ZBTB16: variants seen among roughly 807,000 people sequenced by gnomAD.
The protein encoded by ZBTB16 is zinc finger and BTB domain containing 16.
ZBTB16 carries 8 observed loss-of-function variants against 56.8 expected under a neutral mutation model. The observed-to-expected ratio is 0.14, with a 90% CI of 0.08 to 0.25. The LOEUF is 0.25. Ranked by LOEUF, ZBTB16 falls within the 10% of genes least tolerant of loss-of-function variation. ZBTB16 has a pLI of 1.00. For synonymous variants in ZBTB16, 363 were observed against 368.5 expected, an observed-to-expected ratio of 0.98 and a Z score of 0.17; for missense variants, 625 against 903.0, an observed-to-expected ratio of 0.69 and a Z score of 3.95.
At chr11:114,139,383 C>G (rs964824942) in intron 2 of ZBTB16, among the ~76,000 whole-genome samples, 4 of 152,210 alleles carry the variant, frequency 2.6e-5, no homozygotes, top group African/African-American at 7.2e-5. Context: ...CTTCTTCACT[C>G]TCCGGCTTCG....
intron 3 of ZBTB16, among the ~76,000 whole-genome samples, chr11:114,158,521 A>G (rs990941069): frequency 1.3e-5 from 2 of 152,008 alleles, no homozygotes; most frequent in African/African-American, 2.4e-5. Context: ...TTCTGTGCCC[A>G]TGTTTCTTTA....
chr11:114,153,908 G>A (rs75034154), intron 2 of ZBTB16, among the ~76,000 whole-genome samples: 3,590 of 152,320 alleles, frequency 0.024, 155 homozygotes, highest in African/African-American at 0.082. Context: ...GGCCGAGTCA[G>A]GTGGGAGGAT....
intron 2 of ZBTB16, among the ~76,000 whole-genome samples, chr11:114,111,714 T>G (rs958117245): frequency 1.3e-5 from 2 of 152,240 alleles, no homozygotes; most frequent in Non-Finnish European, 2.9e-5. Flanking sequence ...ACCTCTGTTT[T>G]GACAAAGCTT....
chr11:114,190,047 T>G (rs1459587486), intron 4 of ZBTB16, among the ~76,000 whole-genome samples: 6 of 152,152 alleles, frequency 3.9e-5, no homozygotes, highest in Admixed American at 3.9e-4. Flanking sequence ...AACTTGAACA[T>G]GCTCCATGAA....
chr11:114,148,427 C>T (rs1942183796), intron 2 of ZBTB16, among the ~76,000 whole-genome samples: 1 of 18,954 alleles, frequency 5.3e-5, no homozygotes, highest in African/African-American at 2.1e-4. Context: ...CTCCCTCCCT[C>T]TCTCTCTCTT....
chr11:114,113,279 C>G lies in ZBTB16; in HGVS notation c.1269-43058C>G, dbSNP rs1253694609. ...AAGTGATTTACCAGACAGGTCAATT[C>G]TTATCCATTCTTTCCTCCTATACGT... On this transcript the variant is annotated intron_variant, in intron 2 of 6. Coordinates refer to ENST00000335953, the MANE Select transcript of ZBTB16 (RefSeq NM_006006.6). 9.2e-5 allele frequency among the ~76,000 whole-genome samples: 14 copies of G among 152,206 alleles called. No homozygotes were observed. The East Asian group carries it at 2.1e-3, about 23-fold the overall frequency.
intron 2 of ZBTB16, among the ~76,000 whole-genome samples, chr11:114,124,197 C>T (rs536316413): frequency 4.1e-4 from 62 of 152,130 alleles, no homozygotes; most frequent in African/African-American, 1.3e-3. Context: ...GCCCTCATTG[C>T]GGGGTCAGGG....
chr11:114,156,214 C>T (rs1233191719), intron 2 of ZBTB16, 123 bp from the exon 3 acceptor site: 1 of 881,590 alleles, frequency 1.1e-6, no homozygotes, highest in African/African-American at 1.6e-5. Flanking sequence ...TCCATCGGTG[C>T]CCTCCTGTTC....
At chr11:114,217,738 C>T (rs997164702) in intron 4 of ZBTB16, among the ~76,000 whole-genome samples, 1 of 152,044 alleles carries the variant, frequency 6.6e-6, no homozygotes, top group Non-Finnish European at 1.5e-5. Flanking sequence ...GGGCATGAAG[C>T]GTCATGAGTT....
At chr11:114,096,172 T>C (rs1281521248) in intron 2 of ZBTB16, among the ~76,000 whole-genome samples, 2 of 152,222 alleles carry the variant, frequency 1.3e-5, no homozygotes, top group Non-Finnish European at 2.9e-5. Context: ...CAGACTTCCC[T>C]TGGAGGCACC....
At chr11:114,187,148 T>G in intron 4 of ZBTB16, 110 bp downstream of exon 4, 1 of 1,051,110 alleles carries the variant, frequency 9.5e-7, no homozygotes, top group South Asian at 1.3e-5. Flanking sequence ...ATCCAGTAAT[T>G]TCCTGGGCGA....
chr11:114,180,783 C>G (rs1468148463), intron 3 of ZBTB16: 1 of 152,248 alleles, frequency 6.6e-6, no homozygotes, highest in Non-Finnish European at 1.5e-5. Context: ...GACTGTATGC[C>G]AGGCATGGCG....
chr11:114,153,636 T>A (rs1942329560), intron 2 of ZBTB16, among the ~76,000 whole-genome samples: 1 of 152,178 alleles, frequency 6.6e-6, no homozygotes. Context: ...TGGGATTGGG[T>A]CTAGAGGTTT....
chr11:114,218,699 T>C (rs1439005954), intron 4 of ZBTB16, among the ~76,000 whole-genome samples: 2 of 152,216 alleles, frequency 1.3e-5, no homozygotes, highest in African/African-American at 4.8e-5. Flanking sequence ...CAACTGCTTG[T>C]TTCTTTTTTG....
intron 3 of ZBTB16, among the ~76,000 whole-genome samples, chr11:114,175,165 G>A (rs902855853): frequency 3.9e-5 from 6 of 152,178 alleles, no homozygotes; most frequent in African/African-American, 1.4e-4. Context: ...GTTGTTGAAG[G>A]TTTAAACAAG....
chr11:114,093,481 A>C (rs550427971), intron 2 of ZBTB16, among the ~76,000 whole-genome samples: 3 of 152,070 alleles, frequency 2.0e-5, no homozygotes, highest in Non-Finnish European at 4.4e-5. Flanking sequence ...GTCCTTGCCC[A>C]TCTTTGAGAG....
chr11:114,209,672 T>A (rs1260129180), intron 4 of ZBTB16: 1 of 985,240 alleles, frequency 1.0e-6, no homozygotes, highest in African/African-American at 1.7e-5. Context: ...AGAGAAAAAT[T>A]AACTGTTGGT....
In ZBTB16 at chr11:114,214,507, C is replaced by T. The variant is rs570435511; in HGVS notation, c.1453+27469C>T. ...CAGCAGCCCTATGGCTATTATGATCCCTGGAGTAAACTTAGGCTGAAGAGA... is the reference window on the plus strand; with the variant it reads ...CAGCAGCCCTATGGCTATTATGATCTCTGGAGTAAACTTAGGCTGAAGAGA... On this transcript the variant is annotated intron_variant, in intron 4 of 6. Transcript: ENST00000335953. Among the ~76,000 whole-genome samples the T allele has an allele frequency of 1.8e-4, 28 of 152,176 alleles. No homozygotes were observed. The South Asian group carries it at 5.8e-3, about 32-fold the overall frequency.
chr11:114,217,739 G>T (rs1272723893), intron 4 of ZBTB16, among the ~76,000 whole-genome samples: 1 of 152,152 alleles, frequency 6.6e-6, no homozygotes, highest in Non-Finnish European at 1.5e-5. Flanking sequence ...GGCATGAAGC[G>T]TCATGAGTTA....
Sources: gnomAD v4.1 joint callset for allele counts (sites outside exome capture counted in the v4.1 genomes callset) on GRCh38, gnomAD v4.1.1 for gene constraint, MANE v1.5 for transcripts, NCBI Gene and HGNC (gene_info 2026-07-23, HGNC 2026-07-21) for gene names.